ZNF143: variants seen among roughly 807,000 people sequenced by gnomAD.
The protein encoded by ZNF143 is SPH-binding factor.
A neutral mutation model predicts 74.1 loss-of-function variants in ZNF143; 49 were observed. The observed-to-expected ratio is 0.66, with a 90% CI of 0.53 to 0.84. ZNF143 has a LOEUF of 0.84. ZNF143 is among the 40% of genes least tolerant of loss of function. ZNF143 has a pLI of 0.00. For missense variants in ZNF143, 637 were observed against 793.4 expected, an observed-to-expected ratio of 0.80 and a Z score of 2.37; for synonymous variants, 304 against 282.8, an observed-to-expected ratio of 1.07 and a Z score of -0.75.
chr11:9,466,282 C>G (rs1290406383), intron 1 of ZNF143, among the ~76,000 whole-genome samples: 1 of 144,852 alleles, frequency 6.9e-6, no homozygotes, highest in African/African-American at 2.6e-5. Context: ...CATGCGCAGC[C>G]TAATTTTTTT....
intron 7 of ZNF143, among the ~76,000 whole-genome samples, chr11:9,485,338 T>C (rs911469686): frequency 1.4e-5 from 2 of 146,622 alleles, no homozygotes; most frequent in African/African-American, 2.6e-5. Context: ...GTTGTTTTTT[T>C]CTCTCTCTCT....
At chr11:9,467,426 G>A (rs1191966148) in intron 1 of ZNF143, among the ~76,000 whole-genome samples, 1 of 151,354 alleles carries the variant, frequency 6.6e-6, no homozygotes, top group African/African-American at 2.4e-5. Context: ...AGTAGAGACA[G>A]GGTTTTGTCA....
intron 1 of ZNF143, among the ~76,000 whole-genome samples, chr11:9,470,531 A>C (rs1203713743): frequency 6.6e-6 from 1 of 152,154 alleles, no homozygotes; most frequent in African/African-American, 2.4e-5. Flanking sequence ...GATACTGGGG[A>C]CAATGTTTCA....
intron 7 of ZNF143, among the ~76,000 whole-genome samples, chr11:9,483,518 G>A (rs370194920): frequency 1.3e-5 from 2 of 149,152 alleles, no homozygotes; most frequent in East Asian, 2.0e-4. Context: ...GGCTGGTCTC[G>A]AACTCCTGAC....
At chr11:9,488,111 A>G (rs1365407043) in intron 7 of ZNF143, among the ~76,000 whole-genome samples, 1 of 152,182 alleles carries the variant, frequency 6.6e-6, no homozygotes, top group East Asian at 1.9e-4. Flanking sequence ...ATAGCCAGGC[A>G]TGGTGGCACA....
chr11:9,511,462 A>ATT (rs745823978), intron 12 of ZNF143, among the ~76,000 whole-genome samples: 26 of 134,914 alleles, frequency 1.9e-4, no homozygotes, highest in South Asian at 1.4e-3. Flanking sequence ...ATGCCCGGCT[A>ATT]TTTTTTTTTT....
chr11:9,520,755 C>T (rs1296784893), intron 14 of ZNF143, among the ~76,000 whole-genome samples: 1 of 152,194 alleles, frequency 6.6e-6, no homozygotes, highest in Non-Finnish European at 1.5e-5. Flanking sequence ...CACCATTGCA[C>T]TCCAGCCTGA....
Position 9,527,683 on chromosome 11 carries a change from C to T in ZNF143, c.*70C>T, listed in dbSNP as rs1033657370. 1.8e-5 allele frequency: 26 copies of T among 1,448,234 alleles called. 1 individual carries two copies. The highest frequency in any genetic ancestry group is 8.3e-5 in the South Asian group (7 of 84,684). The allele number at this position is 1,448,234 out of a possible 1,614,324, so 89.7% of individuals were successfully genotyped here. ...TCTGGCAGCAGAAATCCATGAAGCC[C>T]GGGCCCAGGAAAATTAGAAGTTTTC... On this transcript the variant is annotated 3_prime_UTR_variant, in exon 16 of 16. Transcript: ENST00000396602.
intron 14 of ZNF143, among the ~76,000 whole-genome samples, chr11:9,523,932 C>G (rs1849033001): frequency 6.6e-6 from 1 of 151,198 alleles, no homozygotes; most frequent in Non-Finnish European, 1.5e-5. Context: ...CCTGTAATCC[C>G]AGCTACTCGG....
chr11:9,525,415 C>A, intron 15 of ZNF143, 29 bp downstream of exon 15: 2 of 1,613,526 alleles, frequency 1.2e-6, no homozygotes, highest in South Asian at 2.2e-5. Context: ...TGTCCTCAGT[C>A]GACAGCAGTG....
At chr11:9,520,323 ATTT>A (rs984661960) in intron 14 of ZNF143, among the ~76,000 whole-genome samples, 7 of 122,418 alleles carry the variant, frequency 5.7e-5, no homozygotes, top group Middle Eastern at 3.9e-3. Context: ...TGCCTGTCCA[ATTT>A]TTTTTTTTTT....
intron 14 of ZNF143, among the ~76,000 whole-genome samples, chr11:9,516,969 G>C (rs1009954833): frequency 2.6e-5 from 4 of 152,196 alleles, no homozygotes; most frequent in African/African-American, 9.7e-5. Context: ...AGGCTGGAGT[G>C]CAGCGGCACG....
At chr11:9,477,962 A>C (rs903401719) in intron 5 of ZNF143, among the ~76,000 whole-genome samples, 2 of 152,138 alleles carry the variant, frequency 1.3e-5, no homozygotes, top group African/African-American at 4.8e-5. Flanking sequence ...AGTAGCTGGG[A>C]ATACAGGCGC....
intron 14 of ZNF143, among the ~76,000 whole-genome samples, chr11:9,518,524 C>G (rs1848798882): frequency 6.6e-6 from 1 of 152,108 alleles, no homozygotes. Context: ...ACCAGCGTGG[C>G]CAAACATGGT....
At chr11:9,503,129 C>T (rs1848228489) in intron 11 of ZNF143, among the ~76,000 whole-genome samples, 1 of 152,158 alleles carries the variant, frequency 6.6e-6, no homozygotes, top group Admixed American at 6.5e-5. Context: ...CCGCTCCTAG[C>T]CTGCATAATG....
At chr11:9,520,054 T>TTTTTTTTTTTTTTTTTTTTTG in intron 14 of ZNF143, among the ~76,000 whole-genome samples, 1 of 134,202 alleles carries the variant, frequency 7.5e-6, no homozygotes, top group African/African-American at 3.1e-5. Flanking sequence ...TTTTTTTTTT[T>TTTTTTTTTTTTTTTTTTTTTG]GAGACGGAAT....
chr11:9,527,085 G>A (rs1299154939), intron 15 of ZNF143, among the ~76,000 whole-genome samples: 2 of 151,956 alleles, frequency 1.3e-5, no homozygotes, highest in Non-Finnish European at 2.9e-5. Flanking sequence ...TGCCCGCCTC[G>A]GCCTCCCGAA....
At position 9,501,257 on chromosome 11, in the gene ZNF143, G is replaced by A. The variant is rs755558526; in HGVS notation, c.1134G>A (p.Val378=). Residue 378 remains valine, a synonymous_variant, in exon 11 of 16, where the codon GTG becomes GTA. Coordinates refer to ENST00000396602, the MANE Select transcript of ZNF143 (RefSeq NM_003442.6). The stretch of plus-strand genomic sequence containing the variant: ...GTGCAACAAATTATAAAAACCATGT[G>A]AGGATACACACAGGTAACAATCTCT... ...FASATNYKNH[V]RIHTGEKPYV... The A allele has an allele frequency of 6.2e-7, 1 of 1,614,136 alleles. No individual in the cohort carries two copies. Among genetic ancestry groups the A allele is most frequent in the Middle Eastern group, 1.6e-4 (1 of 6,062 alleles).
chr11:9,473,446 A>G (rs1189582946), intron 3 of ZNF143, among the ~76,000 whole-genome samples: 3 of 151,820 alleles, frequency 2.0e-5, no homozygotes, highest in Non-Finnish European at 2.9e-5. Context: ...TCTCTGAATT[A>G]GTGTTTGCTT....
Sources: gnomAD v4.1 joint callset for allele counts (sites outside exome capture counted in the v4.1 genomes callset) on GRCh38, gnomAD v4.1.1 for gene constraint, MANE v1.5 for transcripts, NCBI Gene and HGNC (gene_info 2026-07-23, HGNC 2026-07-21) for gene names.